The following RPAP3 variants were observed in gnomAD, a reference collection of about 807,000 sequenced individuals.
The protein encoded by RPAP3 is RNA polymerase II-associated protein 3.
In RPAP3, 58 loss-of-function variants were observed where a neutral mutation model predicts 88.8. That is an observed-to-expected ratio of 0.65 (90% CI 0.53 to 0.81). The LOEUF is 0.81. Among genes scored for constraint, RPAP3 ranks in the 40% least tolerant of loss-of-function variants. The probability of loss-of-function intolerance (pLI) is 0.00; values close to 1 mark genes in which losing one functional copy is unlikely to be tolerated. For missense variants in RPAP3, 751 were observed against 764.3 expected (o/e 0.98, Z 0.20); for synonymous variants, 255 against 259.9 (o/e 0.98, Z 0.18).
chr12:47,688,713 C>G (rs2136631982), intron 7 of RPAP3, among the ~76,000 whole-genome samples: 1 of 152,264 alleles, frequency 6.6e-6, no homozygotes, highest in Non-Finnish European at 1.5e-5. Flanking sequence ...ATACAGTTCA[C>G]AACTATAATC....
intron 6 of RPAP3, among the ~76,000 whole-genome samples, chr12:47,689,593 C>T (rs1939388886): frequency 3.3e-5 from 5 of 152,186 alleles, no homozygotes; most frequent in Admixed American, 3.3e-4. Flanking sequence ...CCCACCTTGG[C>T]CTCCCAGAGT....
rs545885796 is a variant in RPAP3 at position 47,696,487 on chromosome 12, T to A, written c.418-84A>T. 4.7e-6 allele frequency: 4 copies of A among 855,380 alleles called. No individual in the cohort carries two copies. The African/African-American group carries it at 7.1e-5, about 15-fold the overall frequency. 53.0% of individuals were successfully genotyped at this position (855,380 alleles called of 1,614,324 possible). On this transcript the variant is annotated intron_variant, in intron 4 of 16. Transcript: ENST00000005386. ...ACCCTTGAACGACCCAGGTTTGAAG[T>A]GCATGGGTCCACTTAAATGTAGATT...
chr12:47,673,723 G>GT (rs1381509241), intron 12 of RPAP3, among the ~76,000 whole-genome samples: 24 of 151,974 alleles, frequency 1.6e-4, no homozygotes, highest in Admixed American at 1.2e-3. Flanking sequence ...ACATAGAGAG[G>GT]TTTTTTAGGG....
At chr12:47,691,367 G>A (rs1035342251) in intron 5 of RPAP3, among the ~76,000 whole-genome samples, 4 of 152,044 alleles carry the variant, frequency 2.6e-5, no homozygotes, top group Non-Finnish European at 5.9e-5. Flanking sequence ...ATCTTCCTCC[G>A]CTAAAATCTT....
chr12:47,702,886 C>T (rs778201834), intron 1 of RPAP3, 40 bp from the exon 2 acceptor site: 3 of 1,503,788 alleles, frequency 2.0e-6, no homozygotes, highest in African/African-American at 1.4e-5. Context: ...TAAGAATAGG[C>T]CTATTTGGTT....
chr12:47,682,017 C>G (rs887880955), intron 9 of RPAP3, among the ~76,000 whole-genome samples, 200 bp from the exon 10 acceptor site: 1 of 151,940 alleles, frequency 6.6e-6, no homozygotes, highest in South Asian at 2.1e-4. Context: ...GGAGAAGGTA[C>G]CAGATTGAGG....
At chr12:47,679,628 A>C (rs1481968077) in intron 11 of RPAP3, 34 bp from the exon 12 acceptor site, 1 of 1,520,662 alleles carries the variant, frequency 6.6e-7, no homozygotes, top group Non-Finnish European at 9.0e-7. Flanking sequence ...AACTTTCAAA[A>C]TATTTATTAT....
chr12:47,695,559 CTTATT>C (rs1444114125), intron 5 of RPAP3, among the ~76,000 whole-genome samples: 3 of 152,142 alleles, frequency 2.0e-5, no homozygotes, highest in East Asian at 3.9e-4. Flanking sequence ...GCTTTATAGG[CTTATT>C]TTAAACTATT....
intron 12 of RPAP3, 48 bp from the exon 13 acceptor site, chr12:47,670,393 C>T: frequency 8.9e-7 from 1 of 1,118,436 alleles, no homozygotes; most frequent in Non-Finnish European, 1.3e-6. Context: ...TAAAGGTTTC[C>T]TATTTTAGGG....
chr12:47,687,833 C>A, intron 8 of RPAP3, 43 bp downstream of exon 8: 3 of 1,580,602 alleles, frequency 1.9e-6, no homozygotes, highest in East Asian at 2.3e-5. Flanking sequence ...AATCAACACT[C>A]AGCAAAACAT....
chr12:47,675,512 A>G (rs949187991), intron 12 of RPAP3, among the ~76,000 whole-genome samples: 4 of 152,218 alleles, frequency 2.6e-5, no homozygotes, highest in Non-Finnish European at 4.4e-5. Context: ...CTCACGTGCA[A>G]AGACGCACAT....
rs561648460 is a variant in RPAP3, at chr12:47,676,137, G to C, written c.1287+3356C>G. On this transcript the variant is annotated intron_variant, in intron 12 of 16. Transcript: ENST00000005386. Reference sequence around the variant, plus strand: ...CATGGAAATTGAACAACTTGCTCCTGAATGACTACTGGGTAACTAACGAAA... The same window carrying C: ...CATGGAAATTGAACAACTTGCTCCTCAATGACTACTGGGTAACTAACGAAA... Among the ~76,000 whole-genome samples the C allele has an allele frequency of 2.6e-5, 4 of 152,302 alleles. No individual in the cohort carries two copies. The East Asian group carries it at 7.7e-4, about 29-fold the overall frequency.
At chr12:47,689,521 T>G (rs2136632719) in intron 6 of RPAP3, among the ~76,000 whole-genome samples, 1 of 152,240 alleles carries the variant, frequency 6.6e-6, no homozygotes, top group Admixed American at 6.5e-5. Context: ...GTATTTTTAG[T>G]AGAGACAGGT....
chr12:47,664,088 A>G (rs977333051), intron 16 of RPAP3, among the ~76,000 whole-genome samples: 2 of 152,202 alleles, frequency 1.3e-5, no homozygotes, highest in Non-Finnish European at 2.9e-5. Flanking sequence ...AAACTACTAC[A>G]TGTTAAAAAT....
At chr12:47,698,088 T>A (rs1020885462) in intron 3 of RPAP3, among the ~76,000 whole-genome samples, 10 of 151,944 alleles carry the variant, frequency 6.6e-5, no homozygotes, top group African/African-American at 2.4e-4. Context: ...TAAAAAAAAA[T>A]TTTTTTCTTC....
chr12:47,684,701 T>A (rs1295723177), intron 9 of RPAP3, among the ~76,000 whole-genome samples: 1 of 152,230 alleles, frequency 6.6e-6, no homozygotes, highest in East Asian at 1.9e-4. Flanking sequence ...AATGCATATA[T>A]AATCTCTCAC....
chr12:47,705,542 G>T (rs1321874454), intron 1 of RPAP3, among the ~76,000 whole-genome samples: 1 of 152,204 alleles, frequency 6.6e-6, no homozygotes, highest in African/African-American at 2.4e-5. Context: ...CTGCGATGGG[G>T]CGGGGGTGCG....
Position 47,701,509 on chromosome 12 carries a change from GT to G in RPAP3, c.248del (p.Asn83ThrfsTer3). On this transcript the variant is annotated frameshift_variant, in exon 3 of 17. Transcript: ENST00000005386. LOFTEE classifies it high-confidence loss of function. ...CCTCATAATCATAAGATTTTATCCT[GT>G]TTTTTGTGTTTTCCTCTCTGGTTTT... is the stretch of plus-strand genomic sequence containing the variant. ...SKKTREENTK[N>X]RIKSYDYEAW... 1.3e-6 allele frequency: 2 copies of G among 1,597,540 alleles called. No individual in the cohort carries two copies. Among genetic ancestry groups the G allele is most frequent in the Non-Finnish European group, 1.7e-6 (2 of 1,172,792 alleles).
intron 12 of RPAP3, among the ~76,000 whole-genome samples, chr12:47,675,252 A>C (rs1319763082): frequency 6.6e-6 from 1 of 152,192 alleles, no homozygotes; most frequent in East Asian, 1.9e-4. Context: ...AGGAAGCACT[A>C]AACATGGAAA....
Sources: gnomAD v4.1 joint callset for allele counts (sites outside exome capture counted in the v4.1 genomes callset) on GRCh38, gnomAD v4.1.1 for gene constraint, MANE v1.5 for transcripts, NCBI Gene and HGNC (gene_info 2026-07-23, HGNC 2026-07-21) for gene names.